TCF12: variants seen among roughly 807,000 people sequenced by gnomAD.
TCF12 encodes the protein DNA-binding protein HTF4.
A neutral mutation model predicts 86.0 loss-of-function variants in TCF12; 45 were observed. The ratio of observed to expected loss-of-function variants is 0.52; its 90% confidence interval spans 0.41 to 0.67. The LOEUF is 0.67. TCF12 is among the 30% of genes least tolerant of loss of function. TCF12 has a pLI of 0.00. For missense variants in TCF12, 881 were observed against 859.9 expected (o/e 1.02, Z -0.31); for synonymous variants, 330 against 299.6 (o/e 1.10, Z -1.05).
chr15:57,128,323 G>A (rs555668562), intron 5 of TCF12, among the ~76,000 whole-genome samples: 1 of 151,980 alleles, frequency 6.6e-6, no homozygotes, highest in South Asian at 2.1e-4. Flanking sequence ...AACTTCTACC[G>A]CATTTGACAA....
At chr15:57,259,934 A>C (rs1886873939) in intron 16 of TCF12, among the ~76,000 whole-genome samples, 1 of 152,234 alleles carries the variant, frequency 6.6e-6, no homozygotes, top group East Asian at 1.9e-4. Context: ...CAAATTCTCC[A>C]GAAAATATAT....
In TCF12 at chr15:56,967,124, C is replaced by T. The variant is rs551912865; in HGVS notation, c.148+46026C>T. On this transcript the variant is annotated intron_variant, in intron 3 of 20. Coordinates refer to ENST00000333725, the MANE Select transcript of TCF12 (RefSeq NM_207037.2). Reference sequence around the variant, plus strand: ...GCAACAGAGCGAGACTCGGTCCCCCCGTGCCCTTCCCCTCCCCCACCAAAA... The same window carrying T: ...GCAACAGAGCGAGACTCGGTCCCCCTGTGCCCTTCCCCTCCCCCACCAAAA... 6.3e-4 allele frequency among the ~76,000 whole-genome samples: 91 copies of T among 143,898 alleles called. 1 individual carries two copies. Among genetic ancestry groups the T allele is most frequent in the South Asian group, 4.2e-3 (19 of 4,520 alleles). The allele number at this position is 143,898 out of a possible 152,430, so 94.4% of individuals were successfully genotyped here. A position where few individuals can be genotyped will look rare whatever the true frequency, so the allele number is the denominator to read the frequency against.
rs1390689433 is a variant in TCF12 at position 57,289,609 on chromosome 15, GTGTGTGTGTGTGTGTC to G, written c.*3477_*3492del. On this transcript the variant is annotated 3_prime_UTR_variant, in exon 21 of 21. Coordinates refer to ENST00000333725, the MANE Select transcript of TCF12 (RefSeq NM_207037.2). ...CAAAATTTAAACACACGTCGTGTGT[GTGTGTGTGTGTGTGTC>G]TGTGTGTGTGTGACTTAAAGAATCT... 37 of 151,982 alleles carry G rather than the reference GTGTGTGTGTGTGTGTC, an allele frequency of 2.4e-4. 1 individual carries two copies. The highest frequency in any genetic ancestry group is 9.8e-4 in the Admixed American group (15 of 15,252). 9.4% of individuals were successfully genotyped at this position (151,982 alleles called of 1,614,324 possible).
chr15:57,247,678 T>C (rs192721195), intron 13 of TCF12: 15 of 753,294 alleles, frequency 2.0e-5, no homozygotes, highest in Admixed American at 1.2e-4. Context: ...TTTTCCTCAC[T>C]GTTAGATGGG....
chr15:57,170,363 A>G (rs1307323504), intron 6 of TCF12, among the ~76,000 whole-genome samples: 16 of 151,182 alleles, frequency 1.1e-4, no homozygotes, highest in Admixed American at 8.6e-4. Flanking sequence ...CAAGGGATGT[A>G]AGGTTTAGAG....
chr15:57,172,310 T>C (rs1490545971), intron 6 of TCF12, among the ~76,000 whole-genome samples: 5 of 152,226 alleles, frequency 3.3e-5, no homozygotes, highest in African/African-American at 9.7e-5. Flanking sequence ...ATTGAATACT[T>C]CTGTCTTAGC....
intron 3 of TCF12, among the ~76,000 whole-genome samples, chr15:57,018,212 G>T (rs1259974537): frequency 6.6e-6 from 1 of 152,162 alleles, no homozygotes; most frequent in African/African-American, 2.4e-5. Flanking sequence ...GCAGTTACAG[G>T]TGAATTTTTA....
In TCF12 at chr15:57,136,958, G is replaced by GTTTTTTTTTTT. The variant is rs869113042; in HGVS notation, c.326-29443_326-29433dup. Among the ~76,000 whole-genome samples the GTTTTTTTTTTT allele has an allele frequency of 2.9e-4, 24 of 83,044 alleles. 11 individuals are homozygous for GTTTTTTTTTTT. The highest frequency in any genetic ancestry group is 5.3e-4 in the African/African-American group (11 of 20,800). The allele number at this position is 83,044 out of a possible 152,430, so 54.5% of individuals were successfully genotyped here. The stretch of plus-strand genomic sequence containing the variant: ...TAGACAATAGCCACTGCTTCTGGCA[G>GTTTTTTTTTTT]TTTTTTTTTTTGTTTTTTTTTTTTT... On this transcript the variant is annotated intron_variant, in intron 5 of 20. Coordinates refer to ENST00000333725, the MANE Select transcript of TCF12 (RefSeq NM_207037.2).
intron 11 of TCF12, among the ~76,000 whole-genome samples, chr15:57,233,679 A>C (rs1190806846): frequency 6.6e-6 from 1 of 151,940 alleles, no homozygotes; most frequent in Non-Finnish European, 1.5e-5. Flanking sequence ...GTTTGTCCAC[A>C]TTTCTCAGAC....
intron 16 of TCF12, among the ~76,000 whole-genome samples, chr15:57,259,729 G>C (rs1266787519): frequency 6.6e-6 from 1 of 152,218 alleles, no homozygotes; most frequent in African/African-American, 2.4e-5. Flanking sequence ...CCTGTCAGCT[G>C]TATGCTAACG....
At chr15:57,034,252 A>T (rs1359388187) in intron 3 of TCF12, among the ~76,000 whole-genome samples, 1 of 152,142 alleles carries the variant, frequency 6.6e-6, no homozygotes, top group Non-Finnish European at 1.5e-5. Flanking sequence ...ATAAACTATT[A>T]TATTGTGAAT....
In TCF12 at chr15:56,935,664, A is replaced by G. The variant is rs149793123; in HGVS notation, c.148+14566A>G. Reference sequence around the variant, plus strand: ...TCCCTGAGTCCCCAAAGTCCAAGGTATCATTCTTATACCTTTGTATCTCAT... The same window carrying G: ...TCCCTGAGTCCCCAAAGTCCAAGGTGTCATTCTTATACCTTTGTATCTCAT... On this transcript the variant is annotated intron_variant, in intron 3 of 20. Transcript: ENST00000333725. 3.9e-4 allele frequency among the ~76,000 whole-genome samples: 59 copies of G among 152,154 alleles called. 1 individual carries two copies. In the East Asian group the frequency reaches 0.011, roughly 28 times the overall value.
chr15:57,047,580 A>G (rs1456789528), intron 3 of TCF12, among the ~76,000 whole-genome samples: 3 of 152,238 alleles, frequency 2.0e-5, no homozygotes, highest in African/African-American at 7.2e-5. Flanking sequence ...ATCTTGCAAT[A>G]TTACAAAAAT....
chr15:57,116,323 C>G (rs924129518), intron 5 of TCF12, among the ~76,000 whole-genome samples: 5 of 151,984 alleles, frequency 3.3e-5, no homozygotes, highest in African/African-American at 1.2e-4. Context: ...GATGAATATT[C>G]TATTATTTTT....
At chr15:57,089,715 GT>G (rs150326767) in intron 4 of TCF12, among the ~76,000 whole-genome samples, 6,265 of 151,884 alleles carry the variant, frequency 0.041, 362 homozygotes, top group African/African-American at 0.13. Flanking sequence ...CAATGTAGCT[GT>G]TCCGCAAGCA....
At chr15:56,963,664 A>G (rs1293742539) in intron 3 of TCF12, among the ~76,000 whole-genome samples, 4 of 152,220 alleles carry the variant, frequency 2.6e-5, no homozygotes, top group African/African-American at 9.6e-5. Flanking sequence ...GTAATATGAA[A>G]GGAGGTTCCT....
intron 7 of TCF12, among the ~76,000 whole-genome samples, chr15:57,193,507 G>T (rs1488222922): frequency 6.6e-6 from 1 of 152,188 alleles, no homozygotes. Context: ...GGTATTCTCT[G>T]ATGCTTTATC....
chr15:56,963,281 G>T (rs1476997990), intron 3 of TCF12, among the ~76,000 whole-genome samples: 2 of 151,892 alleles, frequency 1.3e-5, no homozygotes, highest in East Asian at 1.9e-4. Context: ...AATTTCTTTG[G>T]GTCAGAAGTA....
chr15:57,243,705 A>G (rs1429689438), intron 13 of TCF12, among the ~76,000 whole-genome samples, 155 bp downstream of exon 13: 1 of 152,202 alleles, frequency 6.6e-6, no homozygotes, highest in Non-Finnish European at 1.5e-5. Flanking sequence ...TCTTGAATTC[A>G]TTTTGGAGAA....
Sources: allele counts gnomAD v4.1 joint callset (sites outside exome capture counted in the v4.1 genomes callset), GRCh38; gene constraint gnomAD v4.1.1; transcripts MANE v1.5; gene names NCBI Gene and HGNC (gene_info 2026-07-23, HGNC 2026-07-21).